Variants in NALCN observed in about 807,000 individuals in gnomAD.
NALCN encodes sodium leak channel NALCN.
In NALCN, 111 loss-of-function variants were observed where a neutral mutation model predicts 225.3. The ratio of observed to expected loss-of-function variants is 0.49; its 90% CI spans 0.42 to 0.58. NALCN has a LOEUF of 0.58. Among genes scored for constraint, NALCN ranks in the 20% least tolerant of loss-of-function variants. The pLI is 0.00. For missense variants in NALCN, 1,378 were observed against 2,202.4 expected, an observed-to-expected ratio of 0.63 and a Z score of 7.49; for synonymous variants, 764 against 769.0, an observed-to-expected ratio of 0.99 and a Z score of 0.11.
At chr13:101,209,727 T>G (rs566821269) in intron 13 of NALCN, among the ~76,000 whole-genome samples, 1 of 152,324 alleles carries the variant, frequency 6.6e-6, no homozygotes, top group East Asian at 1.9e-4. Context: ...TTCCTTTCAT[T>G]TGCTGTACCT....
intron 34 of NALCN, among the ~76,000 whole-genome samples, chr13:101,079,076 G>A (rs893918394): frequency 1.3e-5 from 2 of 152,148 alleles, no homozygotes; most frequent in Non-Finnish European, 2.9e-5. Context: ...CACCATGATT[G>A]TAAGTTGCCT....
chr13:101,281,544 G>C (rs1406820954), intron 10 of NALCN, among the ~76,000 whole-genome samples: 1 of 152,140 alleles, frequency 6.6e-6, no homozygotes, highest in South Asian at 2.1e-4. Context: ...TTTTATATTA[G>C]CAGCATAGTC....
intron 15 of NALCN, among the ~76,000 whole-genome samples, chr13:101,167,730 T>C (rs1201001610): frequency 1.1e-5 from 1 of 88,632 alleles, no homozygotes; most frequent in Non-Finnish European, 3.2e-5. Context: ...CCCAGCTACT[T>C]GGTAGACTGA....
intron 10 of NALCN, among the ~76,000 whole-genome samples, chr13:101,276,062 CAAAAAAAA>C (rs59471123): frequency 7.1e-5 from 6 of 84,314 alleles, no homozygotes; most frequent in South Asian, 5.5e-4. Context: ...GACTCCTTCT[CAAAAAAAA>C]AAAAAAAAAA....
At chr13:101,114,940 T>A (rs770038389) in intron 18 of NALCN, among the ~76,000 whole-genome samples, 3 of 152,188 alleles carry the variant, frequency 2.0e-5, no homozygotes, top group Non-Finnish European at 4.4e-5. Flanking sequence ...GTTCGTCACA[T>A]ATGCCATGCT....
chr13:101,377,861 C>T (rs555256731), intron 4 of NALCN, among the ~76,000 whole-genome samples: 94 of 152,164 alleles, frequency 6.2e-4, no homozygotes, highest in African/African-American at 1.9e-3. Context: ...AATATAGTAA[C>T]TTTAGTTGAA....
chr13:101,074,455 A>C lies in NALCN; in HGVS notation c.4103+59T>G, dbSNP rs755457207. The C allele has an allele frequency of 6.8e-5, 97 of 1,422,362 alleles. No homozygotes were observed. The highest frequency in any genetic ancestry group is 7.9e-5 in the Non-Finnish European group (85 of 1,080,318). The allele number at this position is 1,422,362 out of a possible 1,614,324, so 88.1% of individuals were successfully genotyped here. A position where few individuals can be genotyped will look rare whatever the true frequency, so the allele number is the denominator to read the frequency against. On this transcript the variant is annotated intron_variant, in intron 36 of 43. Coordinates refer to ENST00000251127, the MANE Select transcript of NALCN (RefSeq NM_052867.4). ...TAGACAAAAAACATTTGTTTATTTA[A>C]AATTTTATTACCAAAGGGTTTGCTT...
In NALCN at chr13:101,059,873, G is replaced by A. The variant is rs911906713; in HGVS notation, c.4850C>T (p.Thr1617Ile). Reference protein sequence around the residue: ...RFLNPPSIETTQPSEDTNANS... With the variant: ...RFLNPPSIETIQPSEDTNANS... ...GGCATTCGTGTCCTCACTGGGCTGG[G>A]TGGTCTCGATGCTGGGCGGGTTCAG... is the stretch of plus-strand genomic sequence containing the variant. Residue 1617 changes from threonine (T) to isoleucine (I), a missense_variant, in exon 42 of 44, where the codon ACC becomes ATC. This residue lies in a region of NALCN where 145 missense variants were observed against 169.6 expected (regional missense o/e 0.85). Transcript: ENST00000251127. The A allele has an allele frequency of 6.8e-6, 11 of 1,613,922 alleles. No individual in the cohort carries two copies. In the Admixed American group the frequency reaches 1.3e-4, roughly 20 times the overall value.
At chr13:101,204,752 G>A (rs36091405) in intron 13 of NALCN, among the ~76,000 whole-genome samples, 28,515 of 151,996 alleles carry the variant, frequency 0.19, 2,868 homozygotes, top group East Asian at 0.37. Flanking sequence ...TAACTTTTAT[G>A]TATTATACCA....
At chr13:101,186,770 T>C (rs2039465774) in intron 14 of NALCN, among the ~76,000 whole-genome samples, 4 of 152,314 alleles carry the variant, frequency 2.6e-5, no homozygotes, top group South Asian at 2.1e-4. Flanking sequence ...AAAATTGATT[T>C]GAGTTTTATT....
At chr13:101,382,946 G>C (rs1345268398) in intron 3 of NALCN, among the ~76,000 whole-genome samples, 1 of 152,050 alleles carries the variant, frequency 6.6e-6, no homozygotes, top group African/African-American at 2.4e-5. Context: ...ATAATCCTCT[G>C]GGCATAAGTT....
intron 6 of NALCN, among the ~76,000 whole-genome samples, chr13:101,374,655 C>T (rs985132520): frequency 1.3e-5 from 2 of 152,000 alleles, no homozygotes; most frequent in Non-Finnish European, 2.9e-5. Context: ...TAATTAAGGC[C>T]TTGACTAATA....
chr13:101,060,108 T>A, intron 41 of NALCN, 141 bp from the exon 42 acceptor site: 1 of 932,854 alleles, frequency 1.1e-6, no homozygotes, highest in Non-Finnish European at 1.6e-6. Flanking sequence ...GTAAGGATCC[T>A]GAACTAATTT....
At chr13:101,183,641 G>A (rs748646471) in intron 14 of NALCN, among the ~76,000 whole-genome samples, 4 of 152,020 alleles carry the variant, frequency 2.6e-5, no homozygotes, top group Non-Finnish European at 5.9e-5. Context: ...TGTGTGTTTA[G>A]TAGACACAGG....
chr13:101,113,809 C>T (rs1183554172), intron 18 of NALCN, among the ~76,000 whole-genome samples: 2 of 152,186 alleles, frequency 1.3e-5, no homozygotes, highest in Admixed American at 6.5e-5. Context: ...ATGTTATTAA[C>T]CAAGCTTGTT....
intron 7 of NALCN, among the ~76,000 whole-genome samples, chr13:101,336,690 T>C (rs1340338253): frequency 2.0e-5 from 3 of 152,226 alleles, no homozygotes; most frequent in African/African-American, 7.2e-5. Context: ...AGGTAAATAC[T>C]GTTTATGTCA....
chr13:101,065,628 G>GA (rs113202388), intron 39 of NALCN, 67 bp from the exon 40 acceptor site: 62,373 of 1,072,258 alleles, frequency 0.058, 2 homozygotes, highest in South Asian at 0.075. Context: ...TTTCTCAAAA[G>GA]AAAAAAAAAA....
At chr13:101,131,464 G>A (rs1026530120) in intron 17 of NALCN, among the ~76,000 whole-genome samples, 9 of 151,784 alleles carry the variant, frequency 5.9e-5, no homozygotes, top group African/African-American at 1.7e-4. Context: ...TTAATATATC[G>A]ATCAAATATG....
At chr13:101,120,306 T>A (rs1594246781) in intron 18 of NALCN, among the ~76,000 whole-genome samples, 2 of 152,174 alleles carry the variant, frequency 1.3e-5, no homozygotes, top group Non-Finnish European at 2.9e-5. Context: ...TGACTTGACT[T>A]GTCCAGGAAG....
Sources: gnomAD v4.1 joint callset for allele counts (sites outside exome capture counted in the v4.1 genomes callset) on GRCh38, gnomAD v4.1.1 for gene constraint, gnomAD v4.1.1 regional missense constraint, MANE v1.5 for transcripts, NCBI Gene and HGNC (gene_info 2026-07-23, HGNC 2026-07-21) for gene names.